The following CHD4 variants were observed in gnomAD, a reference collection of about 807,000 sequenced individuals.
The protein encoded by CHD4 is chromodomain helicase DNA binding protein 4.
CHD4 carries 35 observed loss-of-function variants against 235.5 expected under a neutral mutation model. The ratio of observed to expected loss-of-function variants is 0.15; its 90% CI spans 0.11 to 0.20. The LOEUF is 0.20. Among genes scored for constraint, CHD4 ranks in the 10% least tolerant of loss-of-function variants. CHD4 has a pLI of 1.00. For synonymous variants in CHD4, 900 were observed against 850.2 expected, an observed-to-expected ratio of 1.06 and a Z score of -1.02; for missense variants, 1,329 against 2,432.3, an observed-to-expected ratio of 0.55 and a Z score of 9.54.
rs1435202985 is a variant in CHD4 at position 6,585,800 on chromosome 12, A to AC, written c.3879+1583_3879+1584insG. Among the ~76,000 whole-genome samples the AC allele has an allele frequency of 1.7e-4, 24 of 137,988 alleles. No individual in the cohort carries two copies. In the South Asian group the frequency reaches 1.8e-3, roughly 10 times the overall value. 90.5% of individuals were successfully genotyped at this position (137,988 alleles called of 152,430 possible). A position where few individuals can be genotyped will look rare whatever the true frequency, so the allele number is the denominator to read the frequency against. On this transcript the variant is annotated intron_variant, in intron 25 of 39. Coordinates refer to ENST00000544040, the MANE Select transcript of CHD4 (RefSeq NM_001273.5). ...CAAGACTCTGTCTCAAAAAAAAAAA[A>AC]ACACACACACAAAGAGGCCAGGCGT...
intron 2 of CHD4, among the ~76,000 whole-genome samples, chr12:6,604,450 A>G (rs1428601564): frequency 1.3e-5 from 2 of 152,084 alleles, no homozygotes; most frequent in Non-Finnish European, 2.9e-5. Context: ...CTCAGCCCAG[A>G]ATAAGACCAG....
chr12:6,579,236 G>C (rs1948127713), intron 33 of CHD4: 1 of 352,520 alleles, frequency 2.8e-6, no homozygotes, highest in South Asian at 2.7e-5. Context: ...GATCACCTGA[G>C]GTGAGGAGTT....
chr12:6,602,468 A>T lies in CHD4; in HGVS notation c.130T>A (p.Ser44Thr), dbSNP rs779321114. 1 of 1,613,824 alleles carries T rather than the reference A, an allele frequency of 6.2e-7. No homozygotes were observed. Among genetic ancestry groups the T allele is most frequent in the Admixed American group, 1.7e-5 (1 of 59,938 alleles). The change falls in exon 3 of 40, where the codon TCA becomes ACA. Residue 44 changes from serine (S) to threonine (T), a missense_variant. Ser to Thr is a moderately conservative substitution (Grantham distance 58, BLOSUM62 1). Around this residue, in one of 26 missense-constraint regions of CHD4, gnomAD observed 213 missense variants for 177.5 expected, o/e 1.20. Coordinates refer to ENST00000544040, the MANE Select transcript of CHD4 (RefSeq NM_001273.5). ...TTGAGCTTTGGAGTCTCTGTTTCTG[A>T]CAAATCCTCTTCTGGGTCCTCTTCA... ...ENEEDPEEDL[S>T]ETETPKLKKK...
At chr12:6,580,864 G>A (rs1948172566) in intron 33 of CHD4, 180 bp downstream of exon 33, 3 of 652,986 alleles carry the variant, frequency 4.6e-6, no homozygotes, top group African/African-American at 1.8e-5. Context: ...AAAATTAGCT[G>A]GGCATGATGG....
chr12:6,594,729 C>G, intron 14 of CHD4, 79 bp from the exon 15 acceptor site: 1 of 1,289,898 alleles, frequency 7.8e-7, no homozygotes. Flanking sequence ...TTCCTCCTCA[C>G]TAGTCTTCAC....
rs572246464 is a variant in CHD4, at chr12:6,597,929, G to T, written c.1857C>A (p.Pro619=). The stretch of plus-strand genomic sequence containing the variant: ...GGATTCGGTGGATCATCATCCACTC[G>T]GGTTTTATCCCATAGCGATAGAAGC... ...EERFYRYGIK[P]EWMMIHRILN... The change falls in exon 12 of 40, where the codon CCC becomes CCA. Residue 619 remains proline, a synonymous_variant. Transcript: ENST00000544040. 1 of 1,614,114 alleles carries T rather than the reference G, an allele frequency of 6.2e-7. No homozygotes were observed. The highest frequency in any genetic ancestry group is 1.7e-5 in the Admixed American group (1 of 60,018).
At chr12:6,605,873 C>G (rs1734115) in intron 2 of CHD4, among the ~76,000 whole-genome samples, 3,679 of 152,310 alleles carry the variant, frequency 0.024, 153 homozygotes, top group African/African-American at 0.084. Context: ...ACCACAGGAT[C>G]CTACTAGCAC....
chr12:6,602,598 C>T, intron 2 of CHD4, 101 bp from the exon 3 acceptor site: 3 of 1,431,366 alleles, frequency 2.1e-6, no homozygotes, highest in Non-Finnish European at 2.9e-6. Flanking sequence ...ACCTCTTGTC[C>T]CAGATTCCTC....
At chr12:6,592,257 C>T in intron 19 of CHD4, 136 bp downstream of exon 19, 1 of 1,295,210 alleles carries the variant, frequency 7.7e-7, no homozygotes, top group South Asian at 1.5e-5. Flanking sequence ...CGCTCCAGCG[C>T]CCTAGCATCA....
intron 35 of CHD4, 92 bp from the exon 36 acceptor site, chr12:6,578,229 C>A: frequency 7.4e-7 from 1 of 1,357,364 alleles, no homozygotes. Context: ...CCACCATCCC[C>A]TACCCCTGGA....
chr12:6,599,829 G>C lies in CHD4; in HGVS notation c.1426C>G (p.Leu476Val). ...GGGATCTCTGGAAGTGGGGGATTCA[G>C]GCAGTGGATGTGGTAGGAAGAAGGA... ...TCPSSYHIHC[L>V]NPPLPEIPNG... The change falls in exon 10 of 40, where the codon CTG becomes GTG. Residue 476 changes from leucine to valine, a missense_variant. This residue lies in a region of CHD4 where 33 missense variants were observed against 84.2 expected (regional missense o/e 0.39). Coordinates refer to ENST00000544040, the MANE Select transcript of CHD4 (RefSeq NM_001273.5). 1 of 1,614,156 alleles carries C rather than the reference G, an allele frequency of 6.2e-7. No individual in the cohort carries two copies. Among genetic ancestry groups the C allele is most frequent in the Non-Finnish European group, 8.5e-7 (1 of 1,180,018 alleles).
At chr12:6,577,762 T>C (rs377002874) in intron 37 of CHD4, 23 bp downstream of exon 37, 81 of 1,613,536 alleles carry the variant, frequency 5.0e-5, no homozygotes, top group Non-Finnish European at 6.4e-5. Flanking sequence ...ACTTAAGCAA[T>C]ATATTCCTCC....
chr12:6,598,255 A>G lies in CHD4; in HGVS notation c.1653T>C (p.Ser551=), dbSNP rs1948532771. The G allele has an allele frequency of 6.2e-7, 1 of 1,613,706 alleles. No homozygotes were observed. The highest frequency in any genetic ancestry group is 1.3e-5 in the African/African-American group (1 of 74,936). The change falls in exon 11 of 40, where the codon TCT becomes TCC. Residue 551 remains serine, a synonymous_variant. Transcript: ENST00000544040. ...RQFFVKWQGM[S]YWHCSWVSEL... is the part of the protein sequence containing the mutation. Reference sequence around the variant, plus strand: ...CAGAAACCCAGGAGCAGTGCCAGTAAGACATGCCTTGCCATTTCACAAAGA... The same window carrying G: ...CAGAAACCCAGGAGCAGTGCCAGTAGGACATGCCTTGCCATTTCACAAAGA...
At chr12:6,598,829 C>A (rs1399717620) in intron 10 of CHD4, among the ~76,000 whole-genome samples, 2 of 152,112 alleles carry the variant, frequency 1.3e-5, no homozygotes, top group Non-Finnish European at 2.9e-5. Flanking sequence ...AAAAAGATCT[C>A]ATTTCAAATA....
Position 6,583,017 on chromosome 12 carries a change from C to T in CHD4, c.4147+10G>A. The T allele has an allele frequency of 1.9e-6, 3 of 1,581,418 alleles. No homozygotes were observed. Among genetic ancestry groups the T allele is most frequent in the Non-Finnish European group, 2.6e-6 (3 of 1,165,528 alleles). On this transcript the variant is annotated intron_variant, in intron 27 of 39. Coordinates refer to ENST00000544040, the MANE Select transcript of CHD4 (RefSeq NM_001273.5). ...ATTTAGAAAAGCAACAAAAAAAGCA[C>T]AGCCCTCACCTTCTGAACGTTCATC... is the stretch of plus-strand genomic sequence containing the variant.
intron 12 of CHD4, among the ~76,000 whole-genome samples, chr12:6,597,225 A>C (rs1948515198): frequency 6.8e-6 from 1 of 147,026 alleles, no homozygotes; most frequent in Non-Finnish European, 1.5e-5. Context: ...GCAGTGAGCC[A>C]AGATCACGCC....
At chr12:6,589,874 T>C (rs1948361575) in intron 22 of CHD4, among the ~76,000 whole-genome samples, 1 of 152,010 alleles carries the variant, frequency 6.6e-6, no homozygotes, top group Non-Finnish European at 1.5e-5. Context: ...TAAGAGACAT[T>C]CTACAAAATA....
chr12:6,601,259 A>G (rs1565618346), intron 6 of CHD4, 30 bp downstream of exon 6: 2 of 1,605,330 alleles, frequency 1.2e-6, no homozygotes, highest in Admixed American at 3.3e-5. Flanking sequence ...CACACTAGAC[A>G]CCCCCACTCC....
chr12:6,603,848 A>AC (rs1440666310), intron 2 of CHD4, among the ~76,000 whole-genome samples: 1 of 152,136 alleles, frequency 6.6e-6, no homozygotes, highest in East Asian at 1.9e-4. Flanking sequence ...CTGATACCCA[A>AC]AAGATTTAGT....
Sources: allele counts gnomAD v4.1 joint callset (sites outside exome capture counted in the v4.1 genomes callset), GRCh38; gene constraint gnomAD v4.1.1; regional missense constraint gnomAD v4.1.1; transcripts MANE v1.5; gene names NCBI Gene and HGNC (gene_info 2026-07-23, HGNC 2026-07-21).